EVPLL: variants seen among roughly 807,000 people sequenced by gnomAD.
EVPLL encodes envoplakin like.
EVPLL carries 39 observed loss-of-function variants against 46.2 expected under a neutral mutation model. The observed-to-expected ratio is 0.84, with a 90% CI of 0.65 to 1.10. EVPLL has a LOEUF of 1.10. Among genes scored for constraint, EVPLL ranks in the 50% least tolerant of loss-of-function variants. The pLI is 0.00. For missense variants in EVPLL, 385 were observed against 412.6 expected, an observed-to-expected ratio of 0.93 and a Z score of 0.58; for synonymous variants, 156 against 165.8, an observed-to-expected ratio of 0.94 and a Z score of 0.46.
At chr17:18,387,466 A>G (rs1210478665) in intron 9 of EVPLL, among the ~76,000 whole-genome samples, 1 of 144,312 alleles carries the variant, frequency 6.9e-6, no homozygotes, top group Non-Finnish European at 1.5e-5. Context: ...TTTTTCTGCA[A>G]AGGACCTGGT....
Position 18,383,269 on chromosome 17 carries a change from A to G in EVPLL, c.673-2A>G. 1 of 1,581,940 alleles carries G rather than the reference A, an allele frequency of 6.3e-7. No homozygotes were observed. The highest frequency in any genetic ancestry group is 1.2e-5 in the South Asian group (1 of 86,718). On this transcript the variant is annotated splice_acceptor_variant, in intron 7 of 10. Coordinates refer to ENST00000399134, the MANE Select transcript of EVPLL (RefSeq NM_001145127.2). LOFTEE classifies it high-confidence loss of function. ...GCCGCTCCCCACCCGACTCGCCCCC[A>G]GCACTTCAAGCAGCACGAGCTGCTG...
At chr17:18,379,985 CCA>C (rs1987505650) in intron 1 of EVPLL, 1 of 152,276 alleles carries the variant, frequency 6.6e-6, no homozygotes, top group Non-Finnish European at 1.5e-5. Flanking sequence ...GCTGTCTTGG[CCA>C]CAGAGTTCTT....
intron 4 of EVPLL, 142 bp from the exon 5 acceptor site, chr17:18,382,371 C>T (rs1987607133): frequency 2.2e-5 from 25 of 1,162,202 alleles, no homozygotes; most frequent in Non-Finnish European, 2.6e-5. Flanking sequence ...GGGTGAGCTG[C>T]AGGGCGTGCA....
In EVPLL at chr17:18,383,100, C is replaced by T. The variant is rs772790332; in HGVS notation, c.587C>T (p.Ala196Val). ...ALQGCTWQLSALAEQQRRILQ... is the reference protein window; with the variant it reads ...ALQGCTWQLSVLAEQQRRILQ... ...CAGGGCTGCACGTGGCAGCTGAGCG[C>T]CCTGGCGGAGCAGCAGCGCCGCATC... The change falls in exon 7 of 11, where the codon GCC becomes GTC. Residue 196 changes from alanine (A) to valine (V), a missense_variant. Transcript: ENST00000399134. The T allele has an allele frequency of 2.6e-6, 4 of 1,550,748 alleles. No individual in the cohort carries two copies. The highest frequency in any genetic ancestry group is 1.7e-6 in the Non-Finnish European group (2 of 1,154,634).
intron 1 of EVPLL, among the ~76,000 whole-genome samples, chr17:18,379,378 G>A (rs561784397): frequency 3.0e-4 from 45 of 152,374 alleles, no homozygotes; most frequent in African/African-American, 8.4e-4. Flanking sequence ...CGTCTGGGCC[G>A]ACGGGAAAGA....
intron 1 of EVPLL, among the ~76,000 whole-genome samples, 200 bp downstream of exon 1, chr17:18,378,183 C>A (rs1987444018): frequency 6.6e-6 from 1 of 152,216 alleles, no homozygotes; most frequent in African/African-American, 2.4e-5. Flanking sequence ...TCAGCCCTGG[C>A]AGGAGGCAGG....
rs879305571 is a variant in EVPLL, at chr17:18,378,782, TAA to T, written c.-37+812_-37+813del. Among the ~76,000 whole-genome samples, 442 of 141,448 alleles carry T rather than the reference TAA, an allele frequency of 3.1e-3. 5 individuals carry two copies. The highest frequency in any genetic ancestry group is 4.1e-3 in the East Asian group (20 of 4,884). 92.8% of individuals were successfully genotyped at this position (141,448 alleles called of 152,430 possible). A position where few individuals can be genotyped will look rare whatever the true frequency, so the allele number is the denominator to read the frequency against. ...GGGTGACAGACTGTGACTCTGTCTT[TAA>T]AAAAAAAAAAAATCCTGGTGCAATA... On this transcript the variant is annotated intron_variant, in intron 1 of 10. Coordinates refer to ENST00000399134, the MANE Select transcript of EVPLL (RefSeq NM_001145127.2).
In EVPLL at chr17:18,383,099, G is replaced by A. The variant is rs1443837969; in HGVS notation, c.586G>A (p.Ala196Thr). 1.3e-6 allele frequency: 2 copies of A among 1,549,980 alleles called. No homozygotes were observed. The highest frequency in any genetic ancestry group is 1.4e-5 in the African/African-American group (1 of 73,420). The change falls in exon 7 of 11, where the codon GCC becomes ACC. Residue 196 changes from alanine (A) to threonine (T), a missense_variant. Physicochemically the swap from Ala to Thr is moderately conservative, Grantham distance 58. Transcript: ENST00000399134. Reference sequence around the variant, plus strand: ...GCAGGGCTGCACGTGGCAGCTGAGCGCCCTGGCGGAGCAGCAGCGCCGCAT... The same window carrying A: ...GCAGGGCTGCACGTGGCAGCTGAGCACCCTGGCGGAGCAGCAGCGCCGCAT... Reference protein sequence around the residue: ...ALQGCTWQLSALAEQQRRILQ... With the variant: ...ALQGCTWQLSTLAEQQRRILQ...
chr17:18,386,720 G>A (rs546747520), intron 9 of EVPLL, among the ~76,000 whole-genome samples: 3 of 152,152 alleles, frequency 2.0e-5, no homozygotes, highest in South Asian at 2.1e-4. Context: ...TGAAAGATAC[G>A]CAGATTTCTA....
chr17:18,383,801 T>C (rs1238788294), intron 9 of EVPLL: 14 of 549,114 alleles, frequency 2.5e-5, no homozygotes, highest in Non-Finnish European at 3.9e-5. Flanking sequence ...GGTGAAACCC[T>C]GTCTCTACTA....
In EVPLL at chr17:18,383,108, G is replaced by A. The variant is rs1232028398; in HGVS notation, c.595G>A (p.Glu199Lys). 3 of 1,549,540 alleles carry A rather than the reference G, an allele frequency of 1.9e-6. No individual in the cohort carries two copies. The highest frequency in any genetic ancestry group is 2.3e-4 in the Middle Eastern group (1 of 4,384). Residue 199 changes from glutamate to lysine, a missense_variant, in exon 7 of 11, where the codon GAG (glutamate) becomes AAG (lysine). Coordinates refer to ENST00000399134, the MANE Select transcript of EVPLL (RefSeq NM_001145127.2). ...CACGTGGCAGCTGAGCGCCCTGGCGGAGCAGCAGCGCCGCATCCTGCAGCA... is the reference window on the plus strand; with the variant it reads ...CACGTGGCAGCTGAGCGCCCTGGCGAAGCAGCAGCGCCGCATCCTGCAGCA... ...GCTWQLSALA[E>K]QQRRILQQDW...
chr17:18,381,526 G>T lies in EVPLL; in HGVS notation c.218+5G>T. On this transcript the variant is annotated splice_donor_5th_base_variant and intron_variant, in intron 3 of 10. Transcript: ENST00000399134. This position sits in a 1 kb window ranked among gnomAD's most constrained non-coding sequence, Gnocchi z 4.2. ...GGCTGAGGAGACTGAGAAGGAGTGA[G>T]TGGGGCTGCGGCAGGGCTGGGGGTC... The T allele has an allele frequency of 1.9e-6, 3 of 1,613,684 alleles. No homozygotes were observed. In the Admixed American group the frequency reaches 5.0e-5, roughly 27 times the overall value.
Position 18,381,148 on chromosome 17 carries a change from A to G in EVPLL, c.63+148A>G, listed in dbSNP as rs1188839370. On this transcript the variant is annotated intron_variant, in intron 2 of 10. Coordinates refer to ENST00000399134, the MANE Select transcript of EVPLL (RefSeq NM_001145127.2). The surrounding 1 kb of genome is among the most constrained non-coding windows in gnomAD (Gnocchi z 4.2). ...TCCTGCACCGCCTGTCCCCTAACAC[A>G]CGGTGGGAGAGAGGGCTCAACTTCC... The G allele has an allele frequency of 8.4e-7, 1 of 1,193,380 alleles. No homozygotes were observed. The highest frequency in any genetic ancestry group is 1.2e-6 in the Non-Finnish European group (1 of 849,584). The allele number at this position is 1,193,380 out of a possible 1,614,324, so 73.9% of individuals were successfully genotyped here.
chr17:18,384,375 G>A (rs937061924), intron 9 of EVPLL, among the ~76,000 whole-genome samples: 1 of 151,688 alleles, frequency 6.6e-6, no homozygotes, highest in African/African-American at 2.4e-5. Context: ...GTTTGAGGCT[G>A]CAGTGAGCCA....
At chr17:18,384,072 G>A (rs749668603) in intron 9 of EVPLL, among the ~76,000 whole-genome samples, 5 of 152,224 alleles carry the variant, frequency 3.3e-5, no homozygotes, top group Non-Finnish European at 7.3e-5. Flanking sequence ...TCCCAGGGGG[G>A]TGAAAATTCG....
chr17:18,377,920 A>G lies in EVPLL; in HGVS notation c.-100A>G. The G allele has an allele frequency of 8.8e-7, 1 of 1,132,616 alleles. No individual in the cohort carries two copies. Among genetic ancestry groups the G allele is most frequent in the Non-Finnish European group, 1.2e-6 (1 of 818,552 alleles). The allele number at this position is 1,132,616 out of a possible 1,614,324, so 70.2% of individuals were successfully genotyped here. On this transcript the variant is annotated 5_prime_UTR_variant, in exon 1 of 11. Coordinates refer to ENST00000399134, the MANE Select transcript of EVPLL (RefSeq NM_001145127.2). ...GGACTGAGCAAAGGCTCCCAGGGGA[A>G]GGGGTCCCCCAAGGACTCCCCAGCC...
chr17:18,383,177 G>T lies in EVPLL; in HGVS notation c.664G>T (p.Glu222Ter), dbSNP rs748846071. 4.5e-6 allele frequency: 7 copies of T among 1,548,046 alleles called. No individual in the cohort carries two copies. The highest frequency in any genetic ancestry group is 1.2e-5 in the South Asian group (1 of 84,990). The stretch of plus-strand genomic sequence containing the variant: ...GGCCGACCCTGCGGGCGTGCGGCGG[G>T]AATACGAGGTCGGCTGGCAGAGGTT... The part of the protein sequence containing the change: ...LMADPAGVRR[E>*]YEHFKQHELL... Residue 222 changes from glutamate (E) to a stop codon, truncating the protein, a stop_gained, in exon 7 of 11, where the codon GAA becomes TAA. Coordinates refer to ENST00000399134, the MANE Select transcript of EVPLL (RefSeq NM_001145127.2). LOFTEE classifies it high-confidence loss of function.
intron 9 of EVPLL, among the ~76,000 whole-genome samples, chr17:18,386,143 G>A (rs1010172777): frequency 7.2e-5 from 11 of 152,160 alleles, no homozygotes; most frequent in African/African-American, 2.7e-4. Context: ...TCCCTTTCCA[G>A]GGCGGTGCGG....
Position 18,381,705 on chromosome 17 carries a change from G to A in EVPLL, c.321G>A (p.Leu107=). Residue 107 remains leucine, a synonymous_variant, in exon 4 of 11, where the codon CTG becomes CTA. Coordinates refer to ENST00000399134, the MANE Select transcript of EVPLL (RefSeq NM_001145127.2). This position sits in a 1 kb window ranked among gnomAD's most constrained non-coding sequence, Gnocchi z 4.2. ...CCCGACGTGGGATCCAAGGTCGACT[G>A]GGCACACGTGCTGGAGCAGAAACAG... ...LPPRRGIQGR[L]GTRAGAETEA... is the part of the protein sequence containing the mutation. 1.2e-6 allele frequency: 2 copies of A among 1,614,200 alleles called. No individual in the cohort carries two copies. The highest frequency in any genetic ancestry group is 1.7e-6 in the Non-Finnish European group (2 of 1,180,038).
Sources: allele counts gnomAD v4.1 joint callset (sites outside exome capture counted in the v4.1 genomes callset), GRCh38; gene constraint gnomAD v4.1.1; non-coding constraint Gnocchi (gnomAD v3.1); transcripts MANE v1.5; gene names NCBI Gene and HGNC (gene_info 2026-07-23, HGNC 2026-07-21).